The following ARHGAP18 variants were observed in gnomAD, a reference collection of about 807,000 sequenced individuals.
ARHGAP18 encodes the protein Rho GTPase activating protein 18.
A neutral mutation model predicts 86.2 loss-of-function variants in ARHGAP18; 67 were observed. The observed-to-expected ratio is 0.78, with a 90% CI of 0.64 to 0.95. ARHGAP18 has a LOEUF of 0.95. Among genes scored for constraint, ARHGAP18 ranks in the 40% least tolerant of loss-of-function variants. The probability of loss-of-function intolerance (pLI) is 0.00; values close to 1 mark genes in which losing one functional copy is unlikely to be tolerated. For synonymous variants in ARHGAP18, 283 were observed against 280.4 expected (o/e 1.01, Z -0.09); for missense variants, 691 against 780.4 (o/e 0.89, Z 1.37).
At chr6:129,612,751 A>G (rs1789005691) in intron 7 of ARHGAP18, among the ~76,000 whole-genome samples, 1 of 152,204 alleles carries the variant, frequency 6.6e-6, no homozygotes, top group African/African-American at 2.4e-5. Flanking sequence ...GGACACTGGA[A>G]GAGATGTCAA....
At chr6:129,667,829 T>C (rs574720611) in intron 1 of ARHGAP18, among the ~76,000 whole-genome samples, 77 of 151,818 alleles carry the variant, frequency 5.1e-4, no homozygotes, top group African/African-American at 1.8e-3. Flanking sequence ...CATTTAGAAA[T>C]ATGCATGCAC....
At chr6:129,586,794 T>A (rs1277089600) in intron 12 of ARHGAP18, among the ~76,000 whole-genome samples, 1 of 152,142 alleles carries the variant, frequency 6.6e-6, no homozygotes, top group African/African-American at 2.4e-5. Context: ...TGTAGAACCT[T>A]CTACTGTTTG....
chr6:129,703,405 T>G (rs1040519969), intron 1 of ARHGAP18, among the ~76,000 whole-genome samples: 5 of 152,332 alleles, frequency 3.3e-5, no homozygotes, highest in Non-Finnish European at 4.4e-5. Flanking sequence ...AAGCCCCACT[T>G]AGAAGAGACA....
chr6:129,605,516 T>A (rs1260322953), intron 10 of ARHGAP18, among the ~76,000 whole-genome samples: 1 of 152,110 alleles, frequency 6.6e-6, no homozygotes, highest in Non-Finnish European at 1.5e-5. Context: ...AACATTTATA[T>A]TTTACCTTAC....
intron 13 of ARHGAP18, among the ~76,000 whole-genome samples, chr6:129,582,225 T>C (rs1788303914): frequency 6.6e-6 from 1 of 152,132 alleles, no homozygotes; most frequent in Admixed American, 6.6e-5. Flanking sequence ...AATCCAAATT[T>C]GTCAGACGAT....
At chr6:129,691,422 T>C (rs1774526520) in intron 1 of ARHGAP18, among the ~76,000 whole-genome samples, 1 of 152,202 alleles carries the variant, frequency 6.6e-6, no homozygotes, top group Non-Finnish European at 1.5e-5. Flanking sequence ...TCTGTGCACT[T>C]TAACATTTTG....
intron 12 of ARHGAP18, among the ~76,000 whole-genome samples, chr6:129,585,112 G>A (rs908748637): frequency 3.4e-5 from 5 of 148,202 alleles, no homozygotes; most frequent in South Asian, 2.2e-4. Flanking sequence ...CCAACATGGC[G>A]AAACCCTGTT....
chr6:129,705,806 G>A (rs1468863081), intron 1 of ARHGAP18, among the ~76,000 whole-genome samples: 1 of 152,162 alleles, frequency 6.6e-6, no homozygotes, highest in Non-Finnish European at 1.5e-5. Flanking sequence ...AATCAGGTGA[G>A]TAATATTATG....
chr6:129,654,117 G>C (rs1773778999), intron 1 of ARHGAP18, among the ~76,000 whole-genome samples: 2 of 152,176 alleles, frequency 1.3e-5, no homozygotes, highest in Non-Finnish European at 2.9e-5. Flanking sequence ...TTAGAGGATA[G>C]GAACAGAGCT....
intron 5 of ARHGAP18, among the ~76,000 whole-genome samples, chr6:129,622,671 CAA>C (rs1302879318): frequency 6.6e-6 from 1 of 151,852 alleles, no homozygotes; most frequent in Non-Finnish European, 1.5e-5. Context: ...GAAATTTCAG[CAA>C]GAGAAAAGTT....
At chr6:129,624,771 C>A (rs1295426814) in intron 5 of ARHGAP18, among the ~76,000 whole-genome samples, 1 of 150,728 alleles carries the variant, frequency 6.6e-6, no homozygotes, top group East Asian at 2.0e-4. Context: ...ATGGTGAAAC[C>A]CCATCTCTAC....
intron 1 of ARHGAP18, among the ~76,000 whole-genome samples, chr6:129,658,868 G>T (rs1773893843): frequency 6.6e-6 from 1 of 152,146 alleles, no homozygotes; most frequent in Non-Finnish European, 1.5e-5. Context: ...CAATTGTGGG[G>T]GTAATGGGAA....
chr6:129,583,958 T>A, intron 13 of ARHGAP18, 30 bp downstream of exon 13: 1 of 1,606,214 alleles, frequency 6.2e-7, no homozygotes, highest in South Asian at 1.1e-5. Context: ...ACTTATGCCA[T>A]GGCATAATTA....
chr6:129,593,403 A>G (rs140166145), intron 12 of ARHGAP18, among the ~76,000 whole-genome samples: 100 of 152,268 alleles, frequency 6.6e-4, no homozygotes, highest in East Asian at 3.9e-4. Context: ...TGAGGTTACA[A>G]TGAGCCATGA....
At position 129,593,697 on chromosome 6, in the gene ARHGAP18, T is replaced by C. The variant is rs79505392; in HGVS notation, c.1713+5519A>G. On this transcript the variant is annotated intron_variant, in intron 12 of 14. Coordinates refer to ENST00000368149, the MANE Select transcript of ARHGAP18 (RefSeq NM_033515.3). ...GTGTGTGTTATCAATCCCGACAAGT[T>C]AAAGCCTATCAGAAAATGATTATTA... is the stretch of plus-strand genomic sequence containing the variant. 9.4e-3 allele frequency among the ~76,000 whole-genome samples: 1,424 copies of C among 151,786 alleles called. 25 individuals carry two copies. The highest frequency in any genetic ancestry group is 0.033 in the African/African-American group (1,370 of 41,352).
chr6:129,703,893 C>T (rs1223629345), intron 1 of ARHGAP18, among the ~76,000 whole-genome samples: 1 of 151,872 alleles, frequency 6.6e-6, no homozygotes, highest in Non-Finnish European at 1.5e-5. Flanking sequence ...GCTTTAGAAG[C>T]TAAGGTTAGA....
intron 3 of ARHGAP18, among the ~76,000 whole-genome samples, chr6:129,638,114 C>T (rs1773371119): frequency 6.6e-6 from 1 of 152,170 alleles, no homozygotes; most frequent in Non-Finnish European, 1.5e-5. Context: ...CCTGTCACCC[C>T]TAGTGGAGTT....
intron 12 of ARHGAP18, among the ~76,000 whole-genome samples, chr6:129,590,041 T>C (rs1788479354): frequency 6.6e-6 from 1 of 152,190 alleles, no homozygotes; most frequent in African/African-American, 2.4e-5. Context: ...GTCTGTTCTT[T>C]CCACTTTCTT....
chr6:129,689,114 A>T (rs1774482684), intron 1 of ARHGAP18, among the ~76,000 whole-genome samples: 1 of 152,070 alleles, frequency 6.6e-6, no homozygotes, highest in Non-Finnish European at 1.5e-5. Flanking sequence ...TGGAGGAATA[A>T]ATGGGTGCTG....
Sources: gnomAD v4.1 joint callset for allele counts (sites outside exome capture counted in the v4.1 genomes callset) on GRCh38, gnomAD v4.1.1 for gene constraint, MANE v1.5 for transcripts, NCBI Gene and HGNC (gene_info 2026-07-23, HGNC 2026-07-21) for gene names.